ARMC2: variants seen among roughly 807,000 people sequenced by gnomAD.
ARMC2 encodes the protein armadillo repeat containing 2.
A neutral mutation model predicts 90.3 loss-of-function variants in ARMC2; 67 were observed. The ratio of observed to expected loss-of-function variants is 0.74; its 90% CI spans 0.61 to 0.91. ARMC2 has a LOEUF of 0.91. Among genes scored for constraint, ARMC2 ranks in the 40% least tolerant of loss-of-function variants. The pLI is 0.00. For missense variants in ARMC2, 920 were observed against 1,030.9 expected (o/e 0.89, Z 1.47); for synonymous variants, 393 against 393.0 (o/e 1.00, Z 0.00).
At chr6:108,869,903 G>A (rs763368619) in intron 4 of ARMC2, among the ~76,000 whole-genome samples, 1 of 152,166 alleles carries the variant, frequency 6.6e-6, no homozygotes, top group Non-Finnish European at 1.5e-5. Context: ...GATCACACCA[G>A]CATTTTTAAA....
Position 108,869,003 on chromosome 6 carries a change from C to A in ARMC2, c.463+8C>A. On this transcript the variant is annotated splice_region_variant and intron_variant, in intron 4 of 17. Transcript: ENST00000392644. ...CCCTTCCTCCCTCCGACTGTAAGGC[C>A]ATGTAACATCCTGTAATCTCTGGGG... The A allele has an allele frequency of 6.3e-7, 1 of 1,596,324 alleles. No homozygotes were observed. The highest frequency in any genetic ancestry group is 8.5e-7 in the Non-Finnish European group (1 of 1,171,370).
Position 108,862,346 on chromosome 6 carries a change from AAAAAAAAAAAAAC to A in ARMC2, c.291+4084_291+4096del, listed in dbSNP as rs1157518126. Reference sequence around the variant, plus strand: ...GTAATAGAGTGAGACTCATCTCAAAAAAAAAAAAAAAACAAAAAAAACAAACAAAACCAAAAAG... The same window carrying A: ...GTAATAGAGTGAGACTCATCTCAAAAAAAAAAAACAAACAAAACCAAAAAG... On this transcript the variant is annotated intron_variant, in intron 3 of 17. Coordinates refer to ENST00000392644, the MANE Select transcript of ARMC2 (RefSeq NM_032131.6). Among the ~76,000 whole-genome samples, 811 of 143,128 alleles carry A rather than the reference AAAAAAAAAAAAAC, an allele frequency of 5.7e-3. 7 individuals carry two copies. The highest frequency in any genetic ancestry group is 0.034 in the South Asian group (150 of 4,386). The allele number at this position is 143,128 out of a possible 152,430, so 93.9% of individuals were successfully genotyped here. A position where few individuals can be genotyped will look rare whatever the true frequency, so the allele number is the denominator to read the frequency against.
intron 3 of ARMC2, among the ~76,000 whole-genome samples, chr6:108,866,078 G>T (rs1775790939): frequency 6.6e-6 from 1 of 151,362 alleles, no homozygotes; most frequent in South Asian, 2.1e-4. Context: ...TGTAGAAGGA[G>T]CTGTTTACTT....
intron 5 of ARMC2, among the ~76,000 whole-genome samples, chr6:108,886,564 C>T (rs760230475): frequency 1.8e-4 from 27 of 152,058 alleles, no homozygotes; most frequent in Non-Finnish European, 3.1e-4. Flanking sequence ...GAGCGATACT[C>T]GTCTCACAAA....
chr6:109,001,508 C>T, the ARMC2 span: 1 of 1,604,660 alleles, frequency 6.2e-7, no homozygotes, highest in Non-Finnish European at 8.5e-7. Context: ...TGAGAAAAAC[C>T]ATGGTTACTG....
chr6:108,906,863 C>T (rs553532732), intron 8 of ARMC2, among the ~76,000 whole-genome samples: 7 of 152,180 alleles, frequency 4.6e-5, no homozygotes, highest in African/African-American at 1.7e-4. Flanking sequence ...GCAGGGCAGA[C>T]AGACAGCAAA....
intron 6 of ARMC2, among the ~76,000 whole-genome samples, chr6:108,894,883 C>T (rs1296216649): frequency 6.7e-6 from 1 of 149,840 alleles, no homozygotes; most frequent in African/African-American, 2.5e-5. Context: ...TCTCCTGCCT[C>T]AGCCTCCTGA....
At chr6:108,899,860 A>G (rs949785943) in intron 7 of ARMC2, 68 bp downstream of exon 7, 4 of 1,199,144 alleles carry the variant, frequency 3.3e-6, no homozygotes, top group African/African-American at 1.5e-5. Flanking sequence ...GTAGTTATTT[A>G]TGTGTTCCCC....
chr6:108,946,684 C>A (rs998530958), intron 12 of ARMC2, among the ~76,000 whole-genome samples: 1 of 152,140 alleles, frequency 6.6e-6, no homozygotes, highest in African/African-American at 2.4e-5. Flanking sequence ...ATAGAGAGTT[C>A]GGATTTTAAG....
chr6:108,938,885 A>T (rs1460277728), intron 12 of ARMC2, among the ~76,000 whole-genome samples: 1 of 152,208 alleles, frequency 6.6e-6, no homozygotes, highest in Non-Finnish European at 1.5e-5. Context: ...GAATAAACCA[A>T]CAAAAATCCT....
downstream of ARMC2, among the ~76,000 whole-genome samples, chr6:108,978,714 C>T (rs1779032240): frequency 6.6e-6 from 1 of 152,096 alleles, no homozygotes; most frequent in Non-Finnish European, 1.5e-5. Context: ...ACAGTTAGTT[C>T]TTCTTGTTGC....
the ARMC2 span, among the ~76,000 whole-genome samples, chr6:109,003,317 A>G: frequency 6.6e-6 from 1 of 151,378 alleles, no homozygotes; most frequent in Non-Finnish European, 1.5e-5. Flanking sequence ...TACTGCTTTT[A>G]AAGTTCTTCA....
chr6:108,884,902 G>A (rs1777929639), intron 5 of ARMC2, among the ~76,000 whole-genome samples: 1 of 152,184 alleles, frequency 6.6e-6, no homozygotes, highest in Non-Finnish European at 1.5e-5. Flanking sequence ...AGAATGGAAA[G>A]CAGAGATGGA....
At chr6:108,925,436 G>T (rs1775015518) in intron 10 of ARMC2, among the ~76,000 whole-genome samples, 2 of 152,310 alleles carry the variant, frequency 1.3e-5, no homozygotes, top group South Asian at 2.1e-4. Context: ...GATGAACAAG[G>T]TTTATGCCTT....
chr6:109,038,575 A>C, the ARMC2 span, among the ~76,000 whole-genome samples: 1 of 152,238 alleles, frequency 6.6e-6, no homozygotes, highest in Non-Finnish European at 1.5e-5. Flanking sequence ...TAAGAGAAGC[A>C]AGCAGGAATT....
chr6:109,041,617 A>G, the ARMC2 span, among the ~76,000 whole-genome samples: 1 of 152,210 alleles, frequency 6.6e-6, no homozygotes, highest in Non-Finnish European at 1.5e-5. Context: ...GACATTATAT[A>G]TCATGATAAA....
the ARMC2 span, chr6:108,998,832 T>G: frequency 6.8e-7 from 1 of 1,463,044 alleles, no homozygotes; most frequent in Non-Finnish European, 9.2e-7. Flanking sequence ...TAGTATTTAA[T>G]TTATTGAAAA....
At chr6:109,033,915 AG>A in the ARMC2 span, among the ~76,000 whole-genome samples, 1 of 152,244 alleles carries the variant, frequency 6.6e-6, no homozygotes, top group Non-Finnish European at 1.5e-5. Flanking sequence ...AAAGAAGCGG[AG>A]GCAAGGCTCA....
At chr6:109,009,485 G>T in the ARMC2 span, 376 of 1,237,962 alleles carry the variant, frequency 3.0e-4, 1 homozygote, top group African/African-American at 5.4e-3. Context: ...GGCTGCGGAC[G>T]CGCGGAGGCG....
Sources: allele counts gnomAD v4.1 joint callset (sites outside exome capture counted in the v4.1 genomes callset), GRCh38; gene constraint gnomAD v4.1.1; transcripts MANE v1.5; gene names NCBI Gene and HGNC (gene_info 2026-07-23, HGNC 2026-07-21).